Variants in SLC10A7 observed in about 807,000 individuals in gnomAD.
SLC10A7 encodes the protein solute carrier family 10 member 7.
Under a neutral mutation model 43.2 loss-of-function variants are expected in SLC10A7, and 29 were observed. That is an observed-to-expected ratio of 0.67 (90% CI 0.50 to 0.92). SLC10A7 has a LOEUF of 0.92. Among genes scored for constraint, SLC10A7 ranks in the 40% least tolerant of loss-of-function variants. SLC10A7 has a pLI of 0.00. For synonymous variants in SLC10A7, 152 were observed against 144.8 expected (o/e 1.05, Z -0.35); for missense variants, 295 against 403.2 (o/e 0.73, Z 2.30).
At chr4:146,378,964 A>G (rs1737406857) in intron 5 of SLC10A7, among the ~76,000 whole-genome samples, 1 of 152,088 alleles carries the variant, frequency 6.6e-6, no homozygotes, top group Non-Finnish European at 1.5e-5. Flanking sequence ...GAGCCCCCAT[A>G]ATATACCCTT....
intron 5 of SLC10A7, among the ~76,000 whole-genome samples, chr4:146,408,276 G>T (rs763612492): frequency 6.6e-6 from 1 of 152,044 alleles, no homozygotes; most frequent in Non-Finnish European, 1.5e-5. Flanking sequence ...AGCCAGGCAC[G>T]GTGGCTCACA....
At position 146,495,766 on chromosome 4, in the gene SLC10A7, AACACACAC is replaced by A. The variant is rs57202992; in HGVS notation, c.396+8075_396+8082del. ...AGCACCAGCCCCGTTGATGAAAGTAAACACACACACACACACACACACACACACACACA... is the reference window on the plus strand; with the variant it reads ...AGCACCAGCCCCGTTGATGAAAGTAAACACACACACACACACACACACACA... On this transcript the variant is annotated intron_variant, in intron 4 of 11. Coordinates refer to ENST00000335472, the MANE Select transcript of SLC10A7 (RefSeq NM_001029998.6). 9.1e-3 allele frequency among the ~76,000 whole-genome samples: 1,266 copies of A among 139,618 alleles called. 14 individuals are homozygous for A. Among genetic ancestry groups the A allele is most frequent in the African/African-American group, 0.028 (1,049 of 37,444 alleles). 91.6% of individuals were successfully genotyped at this position (139,618 alleles called of 152,430 possible). A position where few individuals can be genotyped will look rare whatever the true frequency, so the allele number is the denominator to read the frequency against.
chr4:146,307,216 T>C (rs572580660), intron 6 of SLC10A7, among the ~76,000 whole-genome samples: 2 of 151,620 alleles, frequency 1.3e-5, no homozygotes, highest in East Asian at 3.9e-4. Context: ...ATGCCAAGAA[T>C]ATATATCTGG....
At chr4:146,372,090 G>A (rs755890940) in intron 5 of SLC10A7, among the ~76,000 whole-genome samples, 2 of 152,052 alleles carry the variant, frequency 1.3e-5, no homozygotes, top group Non-Finnish European at 2.9e-5. Context: ...TAAAAATCAG[G>A]ACTTCCTGGG....
At chr4:146,331,344 T>G (rs1358637110) in intron 5 of SLC10A7, among the ~76,000 whole-genome samples, 1 of 152,222 alleles carries the variant, frequency 6.6e-6, no homozygotes, top group African/African-American at 2.4e-5. Context: ...TATTTACTAT[T>G]GGTTAAGATT....
At chr4:146,456,038 G>A (rs918075695) in intron 4 of SLC10A7, among the ~76,000 whole-genome samples, 8 of 151,520 alleles carry the variant, frequency 5.3e-5, no homozygotes, top group African/African-American at 1.7e-4. Context: ...CTCCCACCAC[G>A]GCCAATTTCA....
At chr4:146,385,868 T>G (rs984494184) in intron 5 of SLC10A7, among the ~76,000 whole-genome samples, 2 of 152,218 alleles carry the variant, frequency 1.3e-5, no homozygotes, top group Non-Finnish European at 2.9e-5. Context: ...TTTCTTTTCT[T>G]GCATTAACTC....
intron 9 of SLC10A7, among the ~76,000 whole-genome samples, chr4:146,291,790 G>C (rs983888992): frequency 2.6e-5 from 4 of 151,892 alleles, no homozygotes; most frequent in Non-Finnish European, 5.9e-5. Context: ...TACTCTCTTG[G>C]GAAGTGCTTC....
At chr4:146,485,143 A>G (rs1464714599) in intron 4 of SLC10A7, among the ~76,000 whole-genome samples, 1 of 152,222 alleles carries the variant, frequency 6.6e-6, no homozygotes, top group Non-Finnish European at 1.5e-5. Flanking sequence ...TATTGTGTCT[A>G]TCTCCCAGAT....
chr4:146,481,368 C>A lies in SLC10A7; in HGVS notation c.396+22481G>T, dbSNP rs761579565. ...TTGCTGCACTGTGCCCCACGCCCCA[C>A]AAGCCAAAGTGGCATCTTACCATGC... On this transcript the variant is annotated intron_variant, in intron 4 of 11. Coordinates refer to ENST00000335472, the MANE Select transcript of SLC10A7 (RefSeq NM_001029998.6). 2.6e-5 allele frequency among the ~76,000 whole-genome samples: 4 copies of A among 152,146 alleles called. No homozygotes were observed. In the East Asian group the frequency reaches 7.7e-4, roughly 29 times the overall value.
At chr4:146,334,590 A>C (rs1474327152) in intron 5 of SLC10A7, among the ~76,000 whole-genome samples, 1 of 152,164 alleles carries the variant, frequency 6.6e-6, no homozygotes, top group Non-Finnish European at 1.5e-5. Context: ...AGGATTCTTA[A>C]AATTCATAGA....
At chr4:146,325,063 A>C (rs1400131428) in intron 6 of SLC10A7, among the ~76,000 whole-genome samples, 3 of 152,204 alleles carry the variant, frequency 2.0e-5, no homozygotes. Flanking sequence ...CTCTAATTGA[A>C]TTCCAACTTG....
At chr4:146,503,006 G>T (rs936568649) in intron 4 of SLC10A7, among the ~76,000 whole-genome samples, 29 of 152,136 alleles carry the variant, frequency 1.9e-4, no homozygotes, top group African/African-American at 6.5e-4. Flanking sequence ...ACATTAAACT[G>T]TTTAAGTTTA....
Position 146,325,987 on chromosome 4 carries a change from T to C in SLC10A7, c.445A>G (p.Ile149Val). Residue 149 changes from isoleucine to valine, a missense_variant, in exon 6 of 12, where the codon ATA becomes GTA. Ile to Val is a conservative substitution (Grantham distance 29). Transcript: ENST00000335472. ...SAFGSFLGIV[I>V]TPLLLLLFLG... ...AAAAGCAGCAGGAGCAGGGGTGTTA[T>C]AACGATGCCCTGAAAGAAATAAAAG... 6.2e-7 allele frequency: 1 copy of C among 1,612,140 alleles called. No individual in the cohort carries two copies. The highest frequency in any genetic ancestry group is 8.5e-7 in the Non-Finnish European group (1 of 1,179,106).
chr4:146,503,757 A>G, intron 4 of SLC10A7, 92 bp downstream of exon 4: 1 of 1,193,548 alleles, frequency 8.4e-7, no homozygotes, highest in Non-Finnish European at 1.2e-6. Context: ...GTTTTCTGCA[A>G]CATCAACCCT....
intron 9 of SLC10A7, among the ~76,000 whole-genome samples, chr4:146,286,778 G>A (rs1730008775): frequency 6.9e-6 from 1 of 144,578 alleles, no homozygotes. Flanking sequence ...GACTGTGTTT[G>A]GAGTGGTGAG....
intron 6 of SLC10A7, among the ~76,000 whole-genome samples, chr4:146,319,339 T>C (rs2149698293): frequency 6.6e-6 from 1 of 152,168 alleles, no homozygotes; most frequent in East Asian, 1.9e-4. Flanking sequence ...CCTAGAAGGC[T>C]CACTTTCTTA....
At chr4:146,366,126 T>C (rs1046469443) in intron 5 of SLC10A7, among the ~76,000 whole-genome samples, 8 of 152,182 alleles carry the variant, frequency 5.3e-5, no homozygotes, top group Admixed American at 5.2e-4. Flanking sequence ...AAAATTAGCT[T>C]CTACAAAACC....
chr4:146,256,366 T>C lies in SLC10A7; in HGVS notation c.*125A>G. 1 of 878,746 alleles carries C rather than the reference T, an allele frequency of 1.1e-6. No individual in the cohort carries two copies. The highest frequency in any genetic ancestry group is 1.8e-6 in the Non-Finnish European group (1 of 547,456). 54.4% of individuals were successfully genotyped at this position (878,746 alleles called of 1,614,324 possible). ...CATTTTAAGGCACTTAAACAGGATC[T>C]CATATTTTTGTGTAAAAAAATAAAA... is the stretch of plus-strand genomic sequence containing the variant. On this transcript the variant is annotated 3_prime_UTR_variant, in exon 12 of 12. Coordinates refer to ENST00000335472, the MANE Select transcript of SLC10A7 (RefSeq NM_001029998.6).
Sources: gnomAD v4.1 joint callset for allele counts (sites outside exome capture counted in the v4.1 genomes callset) on GRCh38, gnomAD v4.1.1 for gene constraint, MANE v1.5 for transcripts, NCBI Gene and HGNC (gene_info 2026-07-23, HGNC 2026-07-21) for gene names.